RFC5: variants seen among roughly 807,000 people sequenced by gnomAD.
RFC5 encodes the protein A1 36 kDa subunit.
RFC5 carries 26 observed loss-of-function variants against 44.3 expected under a neutral mutation model. That is an observed-to-expected ratio of 0.59 (90% CI 0.43 to 0.81). RFC5 has a LOEUF of 0.81. Ranked by LOEUF, RFC5 falls within the 40% of genes least tolerant of loss-of-function variation. The pLI is 0.00. For missense variants in RFC5, 328 were observed against 418.6 expected (o/e 0.78, Z 1.89); for synonymous variants, 155 against 155.2 (o/e 1.00, Z 0.01).
At chr12:118,017,623 GT>G in intron 1 of RFC5, 1 of 1,036,438 alleles carries the variant, frequency 9.6e-7, no homozygotes, top group Non-Finnish European at 1.2e-6. Flanking sequence ...CTTTATTGTG[GT>G]TAAAAAAAAC....
Position 118,031,435 on chromosome 12 carries a change from A to C in RFC5, c.*157A>C. 2.0e-6 allele frequency: 1 copy of C among 503,064 alleles called. No homozygotes were observed. The highest frequency in any genetic ancestry group is 3.6e-5 in the Admixed American group (1 of 27,484). 31.2% of individuals were successfully genotyped at this position (503,064 alleles called of 1,614,324 possible). On this transcript the variant is annotated 3_prime_UTR_variant, in exon 11 of 11. Coordinates refer to ENST00000454402, the MANE Select transcript of RFC5 (RefSeq NM_007370.7). ...AGGAGAGGATGGGCAGGCATTTAAAAAGTACCATTTTTGTGGTTGTTTGGA... is the reference window on the plus strand; with the variant it reads ...AGGAGAGGATGGGCAGGCATTTAAACAGTACCATTTTTGTGGTTGTTTGGA...
downstream of RFC5, chr12:118,035,113 A>G (rs1283721982): frequency 6.2e-7 from 1 of 1,613,698 alleles, no homozygotes; most frequent in African/African-American, 1.3e-5. Flanking sequence ...GAGAGAGAAC[A>G]TCTGGATATT....
At chr12:118,037,089 G>T (rs2031528520), downstream of RFC5, among the ~76,000 whole-genome samples, 1 of 152,194 alleles carries the variant, frequency 6.6e-6, no homozygotes, top group African/African-American at 2.4e-5. Context: ...GGTTGAGGCA[G>T]AAGAATCACT....
chr12:118,035,357 G>T, downstream of RFC5: 1 of 1,589,738 alleles, frequency 6.3e-7, no homozygotes, highest in South Asian at 1.1e-5. Context: ...GGCAGGCCTG[G>T]AGTGATGGCT....
intron 9 of RFC5, 140 bp downstream of exon 9, chr12:118,028,170 C>T: frequency 1.6e-6 from 1 of 644,080 alleles, no homozygotes; most frequent in South Asian, 1.7e-5. Context: ...GTTAGCAGTT[C>T]TGTCTTGCCA....
the RFC5 span, chr12:118,038,509 G>A: frequency 2.5e-6 from 2 of 797,872 alleles, no homozygotes; most frequent in Non-Finnish European, 2.0e-6. Flanking sequence ...CTATCAGCTG[G>A]GCCCAAGGGT....
At chr12:118,037,051 G>A (rs2031527640), downstream of RFC5, among the ~76,000 whole-genome samples, 2 of 152,122 alleles carry the variant, frequency 1.3e-5, no homozygotes, top group Admixed American at 6.5e-5. Context: ...GCATGGTGGT[G>A]CACGCCTGTA....
chr12:118,018,987 CTG>C, intron 1 of RFC5, 83 bp from the exon 2 acceptor site: 1 of 1,045,272 alleles, frequency 9.6e-7, no homozygotes, highest in African/African-American at 1.6e-5. Flanking sequence ...GCATGAGCCA[CTG>C]TGCCTGACCT....
chr12:118,034,459 A>C (rs1034248295), downstream of RFC5: 12 of 1,406,390 alleles, frequency 8.5e-6, no homozygotes, highest in Non-Finnish European at 1.2e-5. Context: ...AGAGCAGGAG[A>C]CTTCGGAGAG....
intron 5 of RFC5, among the ~76,000 whole-genome samples, 191 bp from the exon 6 acceptor site, chr12:118,024,660 C>T (rs557988014): frequency 6.6e-6 from 1 of 152,258 alleles, no homozygotes; most frequent in East Asian, 1.9e-4. Flanking sequence ...ATCCTCCCGC[C>T]TCAGCCTCCC....
chr12:118,037,421 CTT>C (rs1003285959), downstream of RFC5, among the ~76,000 whole-genome samples: 1 of 152,102 alleles, frequency 6.6e-6, no homozygotes, highest in African/African-American at 2.4e-5. Context: ...AATCCCAGCA[CTT>C]TGGGAGGCCC....
chr12:118,040,654 CA>C, the RFC5 span, among the ~76,000 whole-genome samples: 5,835 of 119,834 alleles, frequency 0.049, 326 homozygotes, highest in African/African-American at 0.16. Context: ...GGCTCTGTCT[CA>C]AAAAAAAAAA....
chr12:118,031,885 T>C lies in RFC5; in HGVS notation c.*607T>C, dbSNP rs2137750536. 1 of 152,300 alleles carries C rather than the reference T, an allele frequency of 6.6e-6. No individual in the cohort carries two copies. Among genetic ancestry groups the C allele is most frequent in the East Asian group, 1.9e-4 (1 of 5,190 alleles). 9.4% of individuals were successfully genotyped at this position (152,300 alleles called of 1,614,324 possible). A position where few individuals can be genotyped will look rare whatever the true frequency, so the allele number is the denominator to read the frequency against. On this transcript the variant is annotated 3_prime_UTR_variant, in exon 11 of 11. Coordinates refer to ENST00000454402, the MANE Select transcript of RFC5 (RefSeq NM_007370.7). ...GTATGATAGGAAAAAAACCTTAATTTTAAATATAATATAGAGCCTTAAACT... is the reference window on the plus strand; with the variant it reads ...GTATGATAGGAAAAAAACCTTAATTCTAAATATAATATAGAGCCTTAAACT...
chr12:118,033,358 A>G (rs1269176489), downstream of RFC5: 5 of 152,630 alleles, frequency 3.3e-5, no homozygotes, highest in Non-Finnish European at 7.3e-5. Flanking sequence ...TTTAAGTACT[A>G]TGGTTTTTAG....
At chr12:118,031,150 T>G in intron 10 of RFC5, 32 bp from the exon 11 acceptor site, 7 of 1,529,206 alleles carry the variant, frequency 4.6e-6, no homozygotes, top group Non-Finnish European at 6.3e-6. Context: ...GTTTGGTGTC[T>G]TTTTTCTTAC....
the RFC5 span, among the ~76,000 whole-genome samples, chr12:118,040,267 C>T: frequency 5.9e-5 from 9 of 152,192 alleles, no homozygotes; most frequent in East Asian, 1.9e-4. Flanking sequence ...AGTGGGGCAG[C>T]GCCTGTCAGC....
rs764564255 is a variant in RFC5 at position 118,024,952 on chromosome 12, G to C, written c.523G>C (p.Gly175Arg). ...GTCCCGCTGCACGAGGTTTCGGTTC[G>C]GTCCCCTGACTCCTGAACTCATGGT... The part of the protein sequence containing the change: ...LQSRCTRFRF[G>R]PLTPELMVPR... The change falls in exon 6 of 11, where the codon GGT becomes CGT. Residue 175 changes from glycine to arginine, a missense_variant. Gly to Arg is a moderately radical substitution (Grantham distance 125). Coordinates refer to ENST00000454402, the MANE Select transcript of RFC5 (RefSeq NM_007370.7). 1 of 1,614,048 alleles carries C rather than the reference G, an allele frequency of 6.2e-7. No individual in the cohort carries two copies. The highest frequency in any genetic ancestry group is 1.1e-5 in the South Asian group (1 of 91,082).
the RFC5 span, chr12:118,038,305 C>T: frequency 6.2e-7 from 1 of 1,613,634 alleles, no homozygotes; most frequent in Non-Finnish European, 8.5e-7. Flanking sequence ...TCTCCAGCTG[C>T]AGAGCACAGC....
chr12:118,021,589 G>C (rs753822391), intron 4 of RFC5, among the ~76,000 whole-genome samples: 4 of 151,412 alleles, frequency 2.6e-5, no homozygotes, highest in Non-Finnish European at 4.4e-5. Flanking sequence ...GGATGAGCTA[G>C]TTTGAATTTA....
Sources: gnomAD v4.1 joint callset for allele counts (sites outside exome capture counted in the v4.1 genomes callset) on GRCh38, gnomAD v4.1.1 for gene constraint, MANE v1.5 for transcripts, NCBI Gene and HGNC (gene_info 2026-07-23, HGNC 2026-07-21) for gene names.